MTF1: variants seen among roughly 807,000 people sequenced by gnomAD.
MTF1 encodes metal regulatory transcription factor 1, also known as MRE-binding transcription factor.
MTF1 carries 22 observed loss-of-function variants against 70.4 expected under a neutral mutation model. The observed-to-expected ratio is 0.31, with a 90% CI of 0.22 to 0.45. The LOEUF (loss-of-function observed/expected upper bound fraction) is 0.45. MTF1 is among the 20% of genes least tolerant of loss of function. The pLI is 1.00. For missense variants in MTF1, 649 were observed against 922.0 expected (o/e 0.70, Z 3.83); for synonymous variants, 333 against 352.8 (o/e 0.94, Z 0.63).
Position 37,835,074 on chromosome 1 carries a change from C to T in MTF1, c.990+5G>A, listed in dbSNP as rs767473223. 6.2e-7 allele frequency: 1 copy of T among 1,613,778 alleles called. No individual in the cohort carries two copies. Among genetic ancestry groups the T allele is most frequent in the Non-Finnish European group, 8.5e-7 (1 of 1,179,862 alleles). ...CCCAGATCAAGAGACAAAAACACTA[C>T]ACACCTCTGATCCATTGTGTTGTGG... On this transcript the variant is annotated splice_donor_5th_base_variant and intron_variant, in intron 6 of 10. Transcript: ENST00000373036.
chr1:37,819,748 T>TG (rs1394998689), intron 9 of MTF1, among the ~76,000 whole-genome samples: 3 of 151,968 alleles, frequency 2.0e-5, no homozygotes, highest in Admixed American at 2.0e-4. Context: ...GGTCAGGAGT[T>TG]GGAGACCAGC....
At chr1:37,827,483 A>C (rs1641020511) in intron 7 of MTF1, among the ~76,000 whole-genome samples, 2 of 151,784 alleles carry the variant, frequency 1.3e-5, no homozygotes, top group South Asian at 4.1e-4. Context: ...TCAGCCTCCC[A>C]AGTAGCTGGG....
chr1:37,827,336 G>GTTGTTA (rs750797039), intron 7 of MTF1, among the ~76,000 whole-genome samples: 2 of 144,080 alleles, frequency 1.4e-5, no homozygotes, highest in East Asian at 2.0e-4. Flanking sequence ...CCTCATAGTT[G>GTTGTTA]TTATTATTAT....
In MTF1 at chr1:37,817,489, A is replaced by G. The variant is rs1640837995; in HGVS notation, c.1768-7T>C. ...CAACTTTAGATGCTTGCTGCTGAAAAAAGAAAAAGAAATCTCATTTATAGC... is the reference window on the plus strand; with the variant it reads ...CAACTTTAGATGCTTGCTGCTGAAAGAAGAAAAAGAAATCTCATTTATAGC... On this transcript the variant is annotated splice_region_variant and splice_polypyrimidine_tract_variant and intron_variant, in intron 9 of 10. Coordinates refer to ENST00000373036, the MANE Select transcript of MTF1 (RefSeq NM_005955.3). 6.2e-7 allele frequency: 1 copy of G among 1,605,702 alleles called. No individual in the cohort carries two copies.
chr1:37,816,401 G>A (rs771678196), intron 10 of MTF1, among the ~76,000 whole-genome samples: 13 of 152,110 alleles, frequency 8.5e-5, no homozygotes, highest in Admixed American at 2.6e-4. Context: ...TAGGCCGGGC[G>A]TGGTGGCTCA....
intron 7 of MTF1, among the ~76,000 whole-genome samples, chr1:37,825,357 C>A (rs1296619340): frequency 6.6e-6 from 1 of 152,122 alleles, no homozygotes; most frequent in Admixed American, 6.6e-5. Context: ...CCACCTCAGC[C>A]TCCAAGTAGC....
chr1:37,822,568 C>T lies in MTF1; in HGVS notation c.1320G>A (p.Pro440=), dbSNP rs780746891. Residue 440 remains proline (P), a synonymous_variant, in exon 9 of 11, where the codon CCG becomes CCA. Coordinates refer to ENST00000373036, the MANE Select transcript of MTF1 (RefSeq NM_005955.3). Reference sequence around the variant, plus strand: ...GGGAGGGAGCAGGCGGAGGAGCAGACGGAGCTGAGGCAGGTAGTAGAGGCT... The same window carrying T: ...GGGAGGGAGCAGGCGGAGGAGCAGATGGAGCTGAGGCAGGTAGTAGAGGCT... ...PPQPLLPASA[P]SAPPPAPSLG... 32 of 1,613,824 alleles carry T rather than the reference C, an allele frequency of 2.0e-5. No individual in the cohort carries two copies. The highest frequency in any genetic ancestry group is 4.4e-5 in the South Asian group (4 of 91,070).
At chr1:37,851,404 T>C (rs553215756) in intron 2 of MTF1, among the ~76,000 whole-genome samples, 1 of 152,242 alleles carries the variant, frequency 6.6e-6, no homozygotes, top group South Asian at 2.1e-4. Context: ...GACTTGCAAA[T>C]AGAATAAACC....
At chr1:37,817,381 G>C (rs767562619) in intron 10 of MTF1, 38 bp downstream of exon 10, 3 of 1,322,116 alleles carry the variant, frequency 2.3e-6, no homozygotes, top group South Asian at 2.4e-5. Flanking sequence ...GGGACCCACA[G>C]AGTTGCCTTC....
At position 37,845,475 on chromosome 1, in the gene MTF1, G is replaced by C. The variant is rs184217619; in HGVS notation, c.409-5317C>G. On this transcript the variant is annotated intron_variant, in intron 2 of 10. Transcript: ENST00000373036. ...GCAAGTTAGAAAAGGACACAGATTG[G>C]GGAAAGTATTTGTTTGATTTTTATT... Among the ~76,000 whole-genome samples the C allele has an allele frequency of 1.1e-4, 17 of 152,250 alleles. No individual in the cohort carries two copies. In the East Asian group the frequency reaches 2.1e-3, roughly 19 times the overall value.
chr1:37,856,671 T>G (rs1416571837), intron 2 of MTF1, among the ~76,000 whole-genome samples: 3 of 151,774 alleles, frequency 2.0e-5, no homozygotes, highest in African/African-American at 7.3e-5. Context: ...GGCTAATTTT[T>G]GTATTTTTAG....
chr1:37,823,683 T>C, intron 8 of MTF1, 27 bp downstream of exon 8: 1 of 1,538,346 alleles, frequency 6.5e-7, no homozygotes, highest in Non-Finnish European at 9.0e-7. Flanking sequence ...TGCTTAGATG[T>C]GAGTAGAAAG....
chr1:37,840,158 C>G lies in MTF1; in HGVS notation c.409G>C (p.Val137Leu), dbSNP rs1245738050. ...TCAAAGGTACATTGGTACCGCTTTA[C>G]CTGGCAGAGAAAAGATACCTCATCA... The part of the protein sequence containing the change: ...SECPETKRKE[V>L]KRYQCTFEGC... Residue 137 changes from valine (V) to leucine (L), a missense_variant and splice_region_variant, in exon 3 of 11, where the codon GTA becomes CTA. This residue lies in a region of MTF1 where 118 missense variants were observed against 287.2 expected (regional missense o/e 0.41). Coordinates refer to ENST00000373036, the MANE Select transcript of MTF1 (RefSeq NM_005955.3). The surrounding 1 kb of genome is among the most constrained non-coding windows in gnomAD (Gnocchi z 4.5). 6.2e-7 allele frequency: 1 copy of G among 1,613,900 alleles called. No homozygotes were observed.
chr1:37,857,730 A>G, intron 1 of MTF1, 21 bp from the exon 2 acceptor site: 2 of 1,492,668 alleles, frequency 1.3e-6, no homozygotes, highest in South Asian at 1.2e-5. Context: ...ACAAAGCCAG[A>G]GTTAGAGTCA....
At chr1:37,835,889 C>T in intron 4 of MTF1, 145 bp from the exon 5 acceptor site, 2 of 625,176 alleles carry the variant, frequency 3.2e-6, no homozygotes, top group Non-Finnish European at 5.6e-6. Flanking sequence ...CAAGCTCCAC[C>T]TCCCGGGTTC....
rs28689872 is a variant in MTF1, at chr1:37,854,309, G to A, written c.408+2942C>T. On this transcript the variant is annotated intron_variant, in intron 2 of 10. Transcript: ENST00000373036. ...CAGGCGTGAGCCACCATGTCCAGCC[G>A]GGAGATATTCTTAATAAGGCTTACA... is the stretch of plus-strand genomic sequence containing the variant. 5.5e-3 allele frequency among the ~76,000 whole-genome samples: 835 copies of A among 152,078 alleles called. 5 individuals carry two copies. The highest frequency in any genetic ancestry group is 0.019 in the African/African-American group (796 of 41,496).
At position 37,814,973 on chromosome 1, in the gene MTF1, A is replaced by T. The variant is rs562749869; in HGVS notation, c.*163T>A. ...TTTTTTCCAAAGAATAGTTCCTTAAAATGGATGCTCCTGGGATGTGAATAA... is the reference window on the plus strand; with the variant it reads ...TTTTTTCCAAAGAATAGTTCCTTAATATGGATGCTCCTGGGATGTGAATAA... On this transcript the variant is annotated 3_prime_UTR_variant, in exon 11 of 11. Coordinates refer to ENST00000373036, the MANE Select transcript of MTF1 (RefSeq NM_005955.3). 6 of 632,830 alleles carry T rather than the reference A, an allele frequency of 9.5e-6. No homozygotes were observed. Among genetic ancestry groups the T allele is most frequent in the Non-Finnish European group, 1.6e-5 (6 of 372,868 alleles). 39.2% of individuals were successfully genotyped at this position (632,830 alleles called of 1,614,324 possible). A position where few individuals can be genotyped will look rare whatever the true frequency, so the allele number is the denominator to read the frequency against.
intron 9 of MTF1, among the ~76,000 whole-genome samples, chr1:37,819,693 TG>T (rs1459894844): frequency 6.6e-6 from 1 of 152,014 alleles, no homozygotes; most frequent in Non-Finnish European, 1.5e-5. Flanking sequence ...GGCTCATGCT[TG>T]TAATCCCAGC....
At chr1:37,824,902 G>A (rs753538323) in intron 7 of MTF1, among the ~76,000 whole-genome samples, 2 of 152,016 alleles carry the variant, frequency 1.3e-5, no homozygotes, top group Non-Finnish European at 2.9e-5. Flanking sequence ...TAAAATGTGA[G>A]GGGGGAGACC....
Sources: allele counts gnomAD v4.1 joint callset (sites outside exome capture counted in the v4.1 genomes callset), GRCh38; gene constraint gnomAD v4.1.1; regional missense constraint gnomAD v4.1.1; non-coding constraint Gnocchi (gnomAD v3.1); transcripts MANE v1.5; gene names NCBI Gene and HGNC (gene_info 2026-07-23, HGNC 2026-07-21).